MYO9A: variants seen among roughly 807,000 people sequenced by gnomAD.
MYO9A encodes myosin IXA.
In MYO9A, 103 loss-of-function variants were observed where a neutral mutation model predicts 293.3. That is an observed-to-expected ratio of 0.35 (90% CI 0.30 to 0.41). MYO9A has a LOEUF of 0.41. Ranked by LOEUF, MYO9A falls within the 10% of genes least tolerant of loss-of-function variation. The pLI is 1.00. For missense variants in MYO9A, 2,685 were observed against 3,033.0 expected, an observed-to-expected ratio of 0.89 and a Z score of 2.69; for synonymous variants, 1,001 against 1,035.7, an observed-to-expected ratio of 0.97 and a Z score of 0.64.
At chr15:72,060,604 G>A (rs1428819901) in intron 1 of MYO9A, among the ~76,000 whole-genome samples, 1 of 152,142 alleles carries the variant, frequency 6.6e-6, no homozygotes, top group Admixed American at 6.5e-5. Flanking sequence ...AAGCAGCACA[G>A]GGCAGAATTC....
chr15:71,906,758 C>CTTTTTTTTTTTTTTTTTTTTTTTTTTTT (rs71131714), intron 19 of MYO9A, among the ~76,000 whole-genome samples: 5 of 61,012 alleles, frequency 8.2e-5, no homozygotes, highest in African/African-American at 1.3e-4. Flanking sequence ...CCATTTCTTT[C>CTTTTTTTTTTTTTTTTTTTTTTTTTTTT]TTTTTTTTTT....
rs1443493294 is a variant in MYO9A at position 71,822,894 on chromosome 15, T to A, written c.*3686A>T. On this transcript the variant is annotated 3_prime_UTR_variant, in exon 42 of 42. Coordinates refer to ENST00000356056, the MANE Select transcript of MYO9A (RefSeq NM_006901.4). ...GTTACCCTTTCAATACCCAATCAAA[T>A]GTGGGAGTCATTCCAGAGAAAAGTG... 1 of 152,126 alleles carries A rather than the reference T, an allele frequency of 6.6e-6. No individual in the cohort carries two copies. The highest frequency in any genetic ancestry group is 2.4e-5 in the African/African-American group (1 of 41,428). The allele number at this position is 152,126 out of a possible 1,614,324, so 9.4% of individuals were successfully genotyped here. A position where few individuals can be genotyped will look rare whatever the true frequency, so the allele number is the denominator to read the frequency against.
intron 14 of MYO9A, among the ~76,000 whole-genome samples, chr15:71,953,364 C>G (rs1053252406): frequency 6.6e-6 from 1 of 152,212 alleles, no homozygotes; most frequent in South Asian, 2.1e-4. Flanking sequence ...TCTAGTCAGA[C>G]TCCATTCAAA....
At chr15:71,981,352 G>A (rs1203901034) in intron 11 of MYO9A, among the ~76,000 whole-genome samples, 1 of 152,098 alleles carries the variant, frequency 6.6e-6, no homozygotes, top group Non-Finnish European at 1.5e-5. Flanking sequence ...ATGTCAGACT[G>A]ACACTCTTTC....
intron 12 of MYO9A, among the ~76,000 whole-genome samples, chr15:71,969,213 C>CT (rs1317423736): frequency 6.6e-6 from 1 of 152,154 alleles, no homozygotes; most frequent in Non-Finnish European, 1.5e-5. Context: ...CAAACATCGA[C>CT]TTCATGTTGC....
At chr15:72,098,061 G>T (rs1222910339) in intron 1 of MYO9A, among the ~76,000 whole-genome samples, 1 of 152,050 alleles carries the variant, frequency 6.6e-6, no homozygotes, top group African/African-American at 2.4e-5. Flanking sequence ...ATTTTTCAAA[G>T]ATGTCCACAC....
chr15:72,008,506 ATGTGTGTG>A (rs958423133), intron 7 of MYO9A, among the ~76,000 whole-genome samples: 2 of 103,628 alleles, frequency 1.9e-5, no homozygotes, highest in African/African-American at 7.6e-5. Flanking sequence ...GTGTGTGTGT[ATGTGTGTG>A]TGTAAGTATG....
At chr15:71,988,906 T>C (rs896768140) in intron 11 of MYO9A, among the ~76,000 whole-genome samples, 1 of 152,150 alleles carries the variant, frequency 6.6e-6, no homozygotes, top group Non-Finnish European at 1.5e-5. Flanking sequence ...AGCCCACTCT[T>C]TTTTTTGAGA....
chr15:71,951,632 T>A (rs757770195), intron 15 of MYO9A, 145 bp downstream of exon 15: 7 of 839,286 alleles, frequency 8.3e-6, no homozygotes, highest in Non-Finnish European at 1.3e-5. Context: ...TACTAAAGAC[T>A]CAATAGAAAT....
chr15:72,049,124 C>T (rs754365180), intron 1 of MYO9A, among the ~76,000 whole-genome samples: 31 of 152,146 alleles, frequency 2.0e-4, no homozygotes, highest in Non-Finnish European at 3.7e-4. Context: ...TTTACAAGTG[C>T]ACTTTTGATG....
intron 24 of MYO9A, 74 bp from the exon 25 acceptor site, chr15:71,899,106 T>TATGAAA (rs1304258689): frequency 7.4e-7 from 1 of 1,359,974 alleles, no homozygotes; most frequent in African/African-American, 1.5e-5. Flanking sequence ...TCCTGAGAAT[T>TATGAAA]TAAGAAAAAA....
chr15:72,110,230 G>A (rs1275365713), intron 1 of MYO9A, among the ~76,000 whole-genome samples: 2 of 151,924 alleles, frequency 1.3e-5, no homozygotes, highest in Non-Finnish European at 2.9e-5. Flanking sequence ...GAGGTCAGCA[G>A]TTGAAGACCT....
intron 5 of MYO9A, among the ~76,000 whole-genome samples, chr15:72,019,718 T>C (rs1309752315): frequency 6.6e-6 from 1 of 152,194 alleles, no homozygotes; most frequent in East Asian, 1.9e-4. Flanking sequence ...CAACACACTG[T>C]ATTAACTTGG....
chr15:71,948,335 T>G (rs573968872), intron 15 of MYO9A, among the ~76,000 whole-genome samples: 1 of 152,348 alleles, frequency 6.6e-6, no homozygotes, highest in East Asian at 1.9e-4. Flanking sequence ...TTCATGCATG[T>G]ATCAGCAAAC....
chr15:71,876,217 G>T lies in MYO9A; in HGVS notation c.5932-379C>A, dbSNP rs150198767. ...TTGGAGTGCAATTGGTGCAGTCTAGGCTCACTGCAACCTCTGCTTCCCAGG... is the reference window on the plus strand; with the variant it reads ...TTGGAGTGCAATTGGTGCAGTCTAGTCTCACTGCAACCTCTGCTTCCCAGG... On this transcript the variant is annotated intron_variant, in intron 31 of 41. Transcript: ENST00000356056. 8.0e-4 allele frequency among the ~76,000 whole-genome samples: 120 copies of T among 150,864 alleles called. 2 individuals carry two copies. In the East Asian group the frequency reaches 0.023, roughly 29 times the overall value.
intron 1 of MYO9A, among the ~76,000 whole-genome samples, chr15:72,116,234 T>C (rs952918844): frequency 5.9e-5 from 9 of 152,176 alleles, no homozygotes; most frequent in African/African-American, 1.9e-4. Flanking sequence ...GGCTTTTACG[T>C]CTAGTTATTA....
At chr15:72,002,143 C>T (rs1277037951) in intron 8 of MYO9A, among the ~76,000 whole-genome samples, 4 of 151,862 alleles carry the variant, frequency 2.6e-5, no homozygotes, top group African/African-American at 9.7e-5. Context: ...GAGGCTGAGG[C>T]GGGAAGATTG....
rs767696673 is a variant in MYO9A at position 72,046,214 on chromosome 15, T to C, written c.350A>G (p.His117Arg). Residue 117 changes from histidine to arginine, a missense_variant, in exon 2 of 42, where the codon CAT becomes CGT. This residue lies in a region of MYO9A where 63 missense variants were observed against 57.9 expected (regional missense o/e 1.09). Transcript: ENST00000356056. ...TAGCCATGACTGCAGGCTACCATAA[T>C]GGATTGATCCATCAAGGTTTTTCTC... is the stretch of plus-strand genomic sequence containing the variant. The part of the protein sequence containing the change: ...LREKNLDGSI[H>R]YGSLQSWLRV... 1.2e-6 allele frequency: 2 copies of C among 1,613,986 alleles called. No individual in the cohort carries two copies. The highest frequency in any genetic ancestry group is 3.3e-5 in the Admixed American group (2 of 59,986).
At chr15:71,987,027 T>G (rs1206203051) in intron 11 of MYO9A, among the ~76,000 whole-genome samples, 1 of 152,222 alleles carries the variant, frequency 6.6e-6, no homozygotes, top group Non-Finnish European at 1.5e-5. Context: ...GTATTTTTAC[T>G]GTATCTTTTC....
Sources: allele counts gnomAD v4.1 joint callset (sites outside exome capture counted in the v4.1 genomes callset), GRCh38; gene constraint gnomAD v4.1.1; regional missense constraint gnomAD v4.1.1; transcripts MANE v1.5; gene names NCBI Gene and HGNC (gene_info 2026-07-23, HGNC 2026-07-21).